Variants in GRIA4 observed in about 807,000 individuals in gnomAD.
The protein encoded by GRIA4 is glutamate ionotropic receptor AMPA type subunit 4, also known as glutamate receptor 4.
In GRIA4, 34 loss-of-function variants were observed where a neutral mutation model predicts 104.0. That is an observed-to-expected ratio of 0.33 (90% CI 0.25 to 0.44). The LOEUF (loss-of-function observed/expected upper bound fraction) is 0.44, where lower values mean the gene tolerates loss of function less well. GRIA4 is among the 20% of genes least tolerant of loss of function. The probability of loss-of-function intolerance (pLI) is 1.00; values close to 1 mark genes in which losing one functional copy is unlikely to be tolerated. For synonymous variants in GRIA4, 386 were observed against 381.9 expected, an observed-to-expected ratio of 1.01 and a Z score of -0.13; for missense variants, 750 against 1,096.5, an observed-to-expected ratio of 0.68 and a Z score of 4.46.
intron 4 of GRIA4, among the ~76,000 whole-genome samples, chr11:105,778,739 G>T (rs911007069): frequency 2.6e-5 from 4 of 151,968 alleles, no homozygotes; most frequent in Non-Finnish European, 5.9e-5. Context: ...GCATAGGAAG[G>T]CATTATTAAA....
intron 13 of GRIA4, among the ~76,000 whole-genome samples, chr11:105,932,154 T>G (rs777332684): frequency 1.3e-5 from 2 of 152,056 alleles, no homozygotes; most frequent in Non-Finnish European, 2.9e-5. Flanking sequence ...TTTTCTTTTT[T>G]TTTAGATGGA....
At chr11:105,915,361 A>G (rs1440407007) in intron 10 of GRIA4, among the ~76,000 whole-genome samples, 3 of 152,186 alleles carry the variant, frequency 2.0e-5, no homozygotes, top group African/African-American at 7.2e-5. Flanking sequence ...CAGGAAAACA[A>G]TGACCTGATG....
chr11:105,733,275 C>T (rs754061264), intron 3 of GRIA4, among the ~76,000 whole-genome samples: 1 of 152,022 alleles, frequency 6.6e-6, no homozygotes, highest in East Asian at 1.9e-4. Flanking sequence ...TGTCAGTATA[C>T]GTATATACAT....
chr11:105,716,989 C>G (rs551194541), intron 3 of GRIA4, among the ~76,000 whole-genome samples: 3 of 152,272 alleles, frequency 2.0e-5, no homozygotes, highest in East Asian at 1.9e-4. Flanking sequence ...TTTTCTTACT[C>G]TCTGCAATCC....
intron 9 of GRIA4, among the ~76,000 whole-genome samples, chr11:105,907,506 A>G (rs896893773): frequency 1.3e-5 from 2 of 152,198 alleles, no homozygotes; most frequent in African/African-American, 4.8e-5. Context: ...TCAGAGAGTC[A>G]ACCCATCAGT....
intron 13 of GRIA4, among the ~76,000 whole-genome samples, chr11:105,930,747 T>G (rs1947849203): frequency 6.6e-6 from 1 of 152,128 alleles, no homozygotes; most frequent in Non-Finnish European, 1.5e-5. Context: ...TATTTGTAAC[T>G]GGAAAGTTGC....
intron 4 of GRIA4, among the ~76,000 whole-genome samples, chr11:105,818,634 C>T (rs536373379): frequency 6.6e-6 from 1 of 152,254 alleles, no homozygotes; most frequent in African/African-American, 2.4e-5. Context: ...AAATGCCTGC[C>T]TAGAGCAATT....
At chr11:105,909,698 A>C (rs1947164372) in intron 9 of GRIA4, among the ~76,000 whole-genome samples, 1 of 152,170 alleles carries the variant, frequency 6.6e-6, no homozygotes, top group African/African-American at 2.4e-5. Context: ...AATGGTCTGC[A>C]AAAAACAAAG....
intron 14 of GRIA4, among the ~76,000 whole-genome samples, chr11:105,937,479 G>A (rs1038368459): frequency 9.2e-5 from 14 of 152,064 alleles, no homozygotes; most frequent in African/African-American, 3.1e-4. Context: ...GGTTGACATA[G>A]ATTTACTATT....
chr11:105,691,792 G>A (rs373620535), intron 3 of GRIA4, among the ~76,000 whole-genome samples: 18 of 151,874 alleles, frequency 1.2e-4, no homozygotes, highest in African/African-American at 4.1e-4. Flanking sequence ...AAAATTAGCC[G>A]GGCATGGTGG....
intron 4 of GRIA4, among the ~76,000 whole-genome samples, chr11:105,760,621 T>G (rs1940576322): frequency 6.6e-6 from 1 of 152,158 alleles, no homozygotes. Flanking sequence ...ATTAGTTTCT[T>G]CTCAAAAGTT....
chr11:105,785,478 A>G (rs1178318697), intron 4 of GRIA4, among the ~76,000 whole-genome samples: 1 of 152,212 alleles, frequency 6.6e-6, no homozygotes, highest in Non-Finnish European at 1.5e-5. Context: ...GATGATTGCT[A>G]TAAAGTACCA....
intron 3 of GRIA4, among the ~76,000 whole-genome samples, chr11:105,699,569 T>G (rs1953410334): frequency 6.6e-6 from 1 of 152,188 alleles, no homozygotes. Flanking sequence ...CTTTCTATTT[T>G]TTTTATTTCC....
chr11:105,783,054 C>T (rs1591249207), intron 4 of GRIA4, among the ~76,000 whole-genome samples: 2 of 152,178 alleles, frequency 1.3e-5, no homozygotes. Flanking sequence ...GCCCCCTTTA[C>T]TCTAAGATGA....
intron 3 of GRIA4, among the ~76,000 whole-genome samples, chr11:105,673,388 A>G (rs1300055099): frequency 2.6e-5 from 4 of 152,152 alleles, no homozygotes; most frequent in African/African-American, 9.7e-5. Context: ...ACAGTCATGT[A>G]GTAAGTGCTT....
intron 3 of GRIA4, among the ~76,000 whole-genome samples, chr11:105,703,652 C>T (rs895446915): frequency 6.6e-6 from 1 of 152,032 alleles, no homozygotes; most frequent in Non-Finnish European, 1.5e-5. Flanking sequence ...TTTAAATTCA[C>T]TTTTTAATGT....
intron 3 of GRIA4, among the ~76,000 whole-genome samples, chr11:105,713,045 A>G (rs1953967571): frequency 6.6e-6 from 1 of 152,118 alleles, no homozygotes; most frequent in Non-Finnish European, 1.5e-5. Context: ...CTCTTCTATT[A>G]AGTCATGGTA....
At chr11:105,651,976 G>A (rs1379261424) in intron 3 of GRIA4, among the ~76,000 whole-genome samples, 5 of 151,926 alleles carry the variant, frequency 3.3e-5, no homozygotes. Context: ...TATACTACTG[G>A]AGCCAGAGTT....
chr11:105,932,286 G>A (rs943645502), intron 13 of GRIA4, among the ~76,000 whole-genome samples: 4 of 152,022 alleles, frequency 2.6e-5, no homozygotes, highest in Admixed American at 2.0e-4. Context: ...CTACAGGCAT[G>A]CGCTGCTATG....
Sources: allele counts gnomAD v4.1 joint callset (sites outside exome capture counted in the v4.1 genomes callset), GRCh38; gene constraint gnomAD v4.1.1; transcripts MANE v1.5; gene names NCBI Gene and HGNC (gene_info 2026-07-23, HGNC 2026-07-21).